MFSD8: variants seen among roughly 807,000 people sequenced by gnomAD.
MFSD8 encodes the protein major facilitator superfamily domain-containing protein 8.
MFSD8 carries 55 observed loss-of-function variants against 66.4 expected under a neutral mutation model. That is an observed-to-expected ratio of 0.83 (90% CI 0.67 to 1.04). The LOEUF (loss-of-function observed/expected upper bound fraction) is 1.04, where lower values mean the gene tolerates loss of function less well. Among genes scored for constraint, MFSD8 ranks in the 50% least tolerant of loss-of-function variants. The pLI, the probability that MFSD8 is intolerant of heterozygous loss-of-function variation, is 0.00. For synonymous variants in MFSD8, 202 were observed against 212.8 expected, an observed-to-expected ratio of 0.95 and a Z score of 0.44; for missense variants, 550 against 627.6, an observed-to-expected ratio of 0.88 and a Z score of 1.32.
At chr4:127,963,661 G>A (rs1199616858) in intron 1 of MFSD8, among the ~76,000 whole-genome samples, 1 of 152,206 alleles carries the variant, frequency 6.6e-6, no homozygotes, top group Non-Finnish European at 1.5e-5. Flanking sequence ...TGAAACTGCA[G>A]ACCTTCGCGG....
At chr4:127,951,970 C>T (rs887749712) in intron 2 of MFSD8, among the ~76,000 whole-genome samples, 17 of 151,852 alleles carry the variant, frequency 1.1e-4, no homozygotes, top group Non-Finnish European at 2.4e-4. Flanking sequence ...CCTTGCAATC[C>T]GCCTGCCTCG....
chr4:127,923,478 G>A (rs1014862700), intron 9 of MFSD8, among the ~76,000 whole-genome samples: 1 of 151,696 alleles, frequency 6.6e-6, no homozygotes, highest in Non-Finnish European at 1.5e-5. Context: ...GGATGAAGCA[G>A]ATTTGATCGT....
intron 9 of MFSD8, among the ~76,000 whole-genome samples, chr4:127,924,238 G>T (rs1736830701): frequency 6.6e-6 from 1 of 152,112 alleles, no homozygotes; most frequent in Non-Finnish European, 1.5e-5. Flanking sequence ...TATGTGTCCA[G>T]GAATTTATCC....
At chr4:127,942,319 G>A (rs548201961) in intron 4 of MFSD8, among the ~76,000 whole-genome samples, 161 bp from the exon 5 acceptor site, 1 of 152,234 alleles carries the variant, frequency 6.6e-6, no homozygotes, top group South Asian at 2.1e-4. Context: ...TTTTTATTAA[G>A]CAAATGCATC....
At chr4:127,934,958 C>CCG in intron 7 of MFSD8, among the ~76,000 whole-genome samples, 1 of 146,606 alleles carries the variant, frequency 6.8e-6, no homozygotes, top group African/African-American at 2.5e-5. Flanking sequence ...GGTGGGGGGG[C>CCG]TTTCCTAAGA....
At chr4:127,963,626 C>G (rs998019489) in intron 1 of MFSD8, among the ~76,000 whole-genome samples, 2 of 151,874 alleles carry the variant, frequency 1.3e-5, no homozygotes, top group African/African-American at 2.4e-5. Context: ...TTCGTTCCTC[C>G]CCGTGGTCTC....
At chr4:127,930,276 C>A (rs572147970) in intron 9 of MFSD8, among the ~76,000 whole-genome samples, 5 of 151,714 alleles carry the variant, frequency 3.3e-5, no homozygotes, top group African/African-American at 9.7e-5. Flanking sequence ...TGGGAAATGA[C>A]ACAAATTTTA....
intron 2 of MFSD8, among the ~76,000 whole-genome samples, chr4:127,952,385 CAG>C (rs1401858088): frequency 6.6e-6 from 1 of 151,710 alleles, no homozygotes; most frequent in Non-Finnish European, 1.5e-5. Flanking sequence ...GCCTGGGTGA[CAG>C]AGCAAGACTC....
intron 5 of MFSD8, 67 bp downstream of exon 5, chr4:127,941,978 C>A: frequency 2.4e-6 from 3 of 1,241,156 alleles, no homozygotes; most frequent in African/African-American, 1.5e-5. Context: ...TTGGGTTACA[C>A]TGAATATTTA....
In MFSD8 at chr4:127,929,486, G is replaced by A. The variant is rs1056607682; in HGVS notation, c.998+1197C>T. Among the ~76,000 whole-genome samples the A allele has an allele frequency of 1.2e-4, 18 of 151,048 alleles. 1 individual carries two copies. The highest frequency in any genetic ancestry group is 8.6e-4 in the Admixed American group (13 of 15,186). On this transcript the variant is annotated intron_variant, in intron 9 of 11. Transcript: ENST00000641686. ...GCCTGTAGTCCTAACTACTCATGAA[G>A]CTGAGACAGGAGGATTGCTTCAGCC... is the stretch of plus-strand genomic sequence containing the variant.
chr4:127,939,604 CAAAAAAAAA>C lies in MFSD8; in HGVS notation c.698+240_698+248del, dbSNP rs10553488. On this transcript the variant is annotated intron_variant, in intron 6 of 11. Transcript: ENST00000641686. ...TGAGCAACAGAGTAAGATCTTGTCT[CAAAAAAAAA>C]AAAAAAAAAAAAAAAAAAACTTTGA... is the stretch of plus-strand genomic sequence containing the variant. 15 of 81,114 alleles carry C rather than the reference CAAAAAAAAA, an allele frequency of 1.8e-4. No individual in the cohort carries two copies. The South Asian group carries it at 2.5e-3, about 13-fold the overall frequency. 5.0% of individuals were successfully genotyped at this position (81,114 alleles called of 1,614,324 possible).
chr4:127,951,311 C>T (rs1741917151), intron 2 of MFSD8, among the ~76,000 whole-genome samples: 1 of 151,970 alleles, frequency 6.6e-6, no homozygotes, highest in Non-Finnish European at 1.5e-5. Flanking sequence ...CTCACTGCAA[C>T]CTCCGACTCC....
At chr4:127,959,425 ATT>A (rs1183776013) in intron 1 of MFSD8, among the ~76,000 whole-genome samples, 1 of 152,236 alleles carries the variant, frequency 6.6e-6, no homozygotes, top group East Asian at 1.9e-4. Context: ...TATAAGGTAT[ATT>A]TTTGGAACAA....
intron 1 of MFSD8, among the ~76,000 whole-genome samples, chr4:127,960,270 T>C (rs1216321155): frequency 6.6e-6 from 1 of 152,248 alleles, no homozygotes; most frequent in Non-Finnish European, 1.5e-5. Context: ...GGCTCATGCC[T>C]GTAATCCCAG....
intron 5 of MFSD8, among the ~76,000 whole-genome samples, chr4:127,941,117 C>T (rs1306159592): frequency 6.6e-6 from 1 of 152,086 alleles, no homozygotes; most frequent in Non-Finnish European, 1.5e-5. Context: ...CAAACCATGT[C>T]CTCATGTACT....
At chr4:127,949,064 T>C (rs993972184) in intron 3 of MFSD8, among the ~76,000 whole-genome samples, 22 of 152,166 alleles carry the variant, frequency 1.4e-4, no homozygotes, top group African/African-American at 5.3e-4. Flanking sequence ...GATCAACAAT[T>C]AAGTAATTGG....
At position 127,919,004 on chromosome 4, in the gene MFSD8, A is replaced by C. The variant is rs1404600329; in HGVS notation, c.*1626T>G. On this transcript the variant is annotated 3_prime_UTR_variant, in exon 12 of 12. Coordinates refer to ENST00000641686, the MANE Select transcript of MFSD8 (RefSeq NM_001371596.2). ...GCAGGTAAGAGGGATCCCAGACTTG[A>C]CCAAATAGCCAGAACTGGCTACGGT... 1 of 152,222 alleles carries C rather than the reference A, an allele frequency of 6.6e-6. No individual in the cohort carries two copies. The highest frequency in any genetic ancestry group is 1.5e-5 in the Non-Finnish European group (1 of 68,054). The allele number at this position is 152,222 out of a possible 1,614,324, so 9.4% of individuals were successfully genotyped here.
At chr4:127,957,808 C>G (rs1743142169) in intron 1 of MFSD8, among the ~76,000 whole-genome samples, 1 of 152,034 alleles carries the variant, frequency 6.6e-6, no homozygotes, top group African/African-American at 2.4e-5. Flanking sequence ...ATTTGGGAAA[C>G]AGTATAGTTT....
At chr4:127,923,538 ATTTT>A (rs1018901408) in intron 9 of MFSD8, among the ~76,000 whole-genome samples, 17 of 128,222 alleles carry the variant, frequency 1.3e-4, no homozygotes, top group East Asian at 6.2e-4. Flanking sequence ...CCAGTATTTT[ATTTT>A]TTATTTTTAT....
Sources: allele counts gnomAD v4.1 joint callset (sites outside exome capture counted in the v4.1 genomes callset), GRCh38; gene constraint gnomAD v4.1.1; transcripts MANE v1.5; gene names NCBI Gene and HGNC (gene_info 2026-07-23, HGNC 2026-07-21).